Variants in TRPM6 observed in about 807,000 individuals in gnomAD.
TRPM6 encodes transient receptor potential cation channel subfamily M member 6, also known as channel kinase 2.
Under a neutral mutation model 247.6 loss-of-function variants are expected in TRPM6, and 111 were observed. That is an observed-to-expected ratio of 0.45 (90% CI 0.38 to 0.52). The LOEUF (loss-of-function observed/expected upper bound fraction) is 0.52, where lower values mean the gene tolerates loss of function less well. Among genes scored for constraint, TRPM6 ranks in the 20% least tolerant of loss-of-function variants. The probability of loss-of-function intolerance (pLI) is 0.00; values close to 1 mark genes in which losing one functional copy is unlikely to be tolerated. For synonymous variants in TRPM6, 892 were observed against 853.8 expected (o/e 1.04, Z -0.78); for missense variants, 2,126 against 2,421.5 (o/e 0.88, Z 2.56).
At chr9:74,862,234 C>T (rs2118388891) in intron 1 of TRPM6, among the ~76,000 whole-genome samples, 1 of 152,204 alleles carries the variant, frequency 6.6e-6, no homozygotes, top group East Asian at 1.9e-4. Context: ...TCCGAGAGGC[C>T]TCCATGTTCA....
rs888083805 is a variant in TRPM6, at chr9:74,788,700, A to G, written c.2581T>C (p.Leu861=). ...CTGGGCTGGGGCTGCATCTCCACCA[A>G]CACGGTGTAAGTGAACAGCATGAGG... ...AFLMLFTYTV[L]VEMQPQPSVQ... The change falls in exon 20 of 39, where the codon TTG becomes CTG. Residue 861 remains leucine, a synonymous_variant. Coordinates refer to ENST00000360774, the MANE Select transcript of TRPM6 (RefSeq NM_017662.5). 9 of 1,613,986 alleles carry G rather than the reference A, an allele frequency of 5.6e-6. No individual in the cohort carries two copies. Among genetic ancestry groups the G allele is most frequent in the African/African-American group, 1.3e-5 (1 of 74,928 alleles).
At chr9:74,743,946 A>T (rs1389833596) in intron 32 of TRPM6, 149 bp downstream of exon 32, 3 of 801,848 alleles carry the variant, frequency 3.7e-6, no homozygotes, top group Non-Finnish European at 6.1e-6. Context: ...AAAGTTAGAA[A>T]TTGGAATGTT....
chr9:74,801,938 T>G lies in TRPM6; in HGVS notation c.1969A>C (p.Met657Leu). 3 of 1,614,236 alleles carry G rather than the reference T, an allele frequency of 1.9e-6. No individual in the cohort carries two copies. The highest frequency in any genetic ancestry group is 2.5e-6 in the Non-Finnish European group (3 of 1,180,036). The change falls in exon 16 of 39, where the codon ATG (methionine) becomes CTG (leucine). Residue 657 changes from methionine (M) to leucine (L), a missense_variant. Physicochemically the swap from Met to Leu is conservative, Grantham distance 15 (BLOSUM62 2). Transcript: ENST00000360774. ...AMAHEAKESHMVDDASEELKN... is the reference protein window; with the variant it reads ...AMAHEAKESHLVDDASEELKN... ...AACTCTTCTGAGGCATCATCCACCA[T>G]GTGACTCTCCTTAGCTTCATGGGCC...
chr9:74,833,674 C>T (rs1000115199), intron 6 of TRPM6, among the ~76,000 whole-genome samples: 2 of 152,134 alleles, frequency 1.3e-5, no homozygotes, highest in African/African-American at 4.8e-5. Context: ...ATAATGGTGG[C>T]TCGGATTCAC....
intron 1 of TRPM6, among the ~76,000 whole-genome samples, chr9:74,863,568 T>C (rs1830752062): frequency 6.6e-6 from 1 of 152,054 alleles, no homozygotes; most frequent in Non-Finnish European, 1.5e-5. Flanking sequence ...TCACAGATGT[T>C]CCTTAATCTT....
At chr9:74,835,836 G>A (rs901104249) in intron 5 of TRPM6, among the ~76,000 whole-genome samples, 1 of 152,008 alleles carries the variant, frequency 6.6e-6, no homozygotes, top group African/African-American at 2.4e-5. Context: ...AAAATTGAAT[G>A]AAAAGTACAG....
At chr9:74,786,695 G>A (rs551355223) in intron 20 of TRPM6, among the ~76,000 whole-genome samples, 5 of 152,060 alleles carry the variant, frequency 3.3e-5, no homozygotes, top group South Asian at 2.1e-4. Flanking sequence ...AGCTGAAATC[G>A]CACCACCGCA....
intron 3 of TRPM6, among the ~76,000 whole-genome samples, chr9:74,853,868 AT>A (rs771661341): frequency 1.6e-4 from 24 of 152,340 alleles, no homozygotes; most frequent in East Asian, 3.9e-4. Flanking sequence ...TACTAAAAAA[AT>A]AAAATAAAAT....
chr9:74,877,037 A>G (rs79101189), intron 1 of TRPM6, among the ~76,000 whole-genome samples: 7,398 of 152,328 alleles, frequency 0.049, 245 homozygotes, highest in South Asian at 0.079. Context: ...TGCAGTCTTC[A>G]TACCCGCTAG....
chr9:74,813,537 C>T (rs537290451), intron 11 of TRPM6, among the ~76,000 whole-genome samples: 1 of 152,216 alleles, frequency 6.6e-6, no homozygotes, highest in East Asian at 1.9e-4. Flanking sequence ...ATAATGTCAC[C>T]AATACAAGAG....
chr9:74,759,590 GAAACTCAAT>G (rs915189997), intron 27 of TRPM6, among the ~76,000 whole-genome samples: 31 of 152,024 alleles, frequency 2.0e-4, no homozygotes, highest in African/African-American at 9.7e-5. Context: ...AAGGGCAGAA[GAAACTCAAT>G]TCTTAGCTAT....
intron 3 of TRPM6, among the ~76,000 whole-genome samples, chr9:74,852,965 T>C (rs1014621223): frequency 3.3e-5 from 5 of 151,588 alleles, no homozygotes; most frequent in South Asian, 2.1e-4. Context: ...GTCTGGGATG[T>C]GAGGAGCCTC....
At chr9:74,784,541 T>A (rs1054049102) in intron 21 of TRPM6, among the ~76,000 whole-genome samples, 3 of 152,190 alleles carry the variant, frequency 2.0e-5, no homozygotes, top group Non-Finnish European at 4.4e-5. Flanking sequence ...AAGAGTGTGA[T>A]GGTAGGGGAG....
intron 2 of TRPM6, among the ~76,000 whole-genome samples, chr9:74,856,148 A>G (rs1830514081): frequency 6.6e-6 from 1 of 152,112 alleles, no homozygotes; most frequent in Admixed American, 6.6e-5. Context: ...GTCATCAGTT[A>G]TATTTTTGGG....
intron 31 of TRPM6, among the ~76,000 whole-genome samples, chr9:74,746,974 C>CGACAAAGAAGTAGAACA: frequency 6.6e-6 from 1 of 151,684 alleles, no homozygotes; most frequent in African/African-American, 2.4e-5. Flanking sequence ...CAAAATAAGT[C>CGACAAAGAAGTAGAACA]GACAAAGAAG....
chr9:74,793,403 A>G (rs990681558), intron 18 of TRPM6, among the ~76,000 whole-genome samples: 1 of 152,042 alleles, frequency 6.6e-6, no homozygotes. Context: ...GCTGGGGTGC[A>G]ATGGCGTGGT....
chr9:74,797,337 CT>C lies in TRPM6; in HGVS notation c.2239-445del, dbSNP rs1264368832. Among the ~76,000 whole-genome samples, 5 of 152,314 alleles carry C rather than the reference CT, an allele frequency of 3.3e-5. No homozygotes were observed. The East Asian group carries it at 7.7e-4, about 24-fold the overall frequency. On this transcript the variant is annotated intron_variant, in intron 17 of 38. Transcript: ENST00000360774. ...AAAGGGGATTGGAGCCAGGACACCC[CT>C]GACCCCCGACCCCAAGGATACCAAA... is the stretch of plus-strand genomic sequence containing the variant.
intron 23 of TRPM6, among the ~76,000 whole-genome samples, chr9:74,780,454 C>CAAA (rs200558762): frequency 5.1e-5 from 6 of 116,716 alleles, no homozygotes; most frequent in African/African-American, 1.6e-4. Context: ...AACTCCGTCT[C>CAAA]AAAAAAAAAA....
chr9:74,885,043 T>C (rs542713547), intron 1 of TRPM6, among the ~76,000 whole-genome samples: 1 of 152,320 alleles, frequency 6.6e-6, no homozygotes, highest in South Asian at 2.1e-4. Context: ...TTGATTCAAA[T>C]AGCTGTTGCA....
Sources: allele counts gnomAD v4.1 joint callset (sites outside exome capture counted in the v4.1 genomes callset), GRCh38; gene constraint gnomAD v4.1.1; transcripts MANE v1.5; gene names NCBI Gene and HGNC (gene_info 2026-07-23, HGNC 2026-07-21).